Variants in PRR16 observed in about 807,000 individuals in gnomAD.
PRR16 encodes protein Largen.
In PRR16, 6 loss-of-function variants were observed where a neutral mutation model predicts 18.2. That is an observed-to-expected ratio of 0.33 (90% CI 0.18 to 0.65). The LOEUF is 0.65. Ranked by LOEUF, PRR16 falls within the 30% of genes least tolerant of loss-of-function variation. The pLI is 0.74. For missense variants in PRR16, 412 were observed against 376.6 expected (o/e 1.09, Z -0.78); for synonymous variants, 151 against 147.8 (o/e 1.02, Z -0.16).
the PRR16 span, among the ~76,000 whole-genome samples, chr5:120,719,156 A>T: frequency 1.3e-5 from 2 of 152,094 alleles, no homozygotes; most frequent in African/African-American, 4.8e-5. Flanking sequence ...TATCATTGTT[A>T]TATACTTTTC....
chr5:120,597,239 A>G (rs1753843723), intron 1 of PRR16, among the ~76,000 whole-genome samples: 1 of 151,514 alleles, frequency 6.6e-6, no homozygotes, highest in Admixed American at 6.6e-5. Flanking sequence ...CTTCCATTCT[A>G]TTGGTTGTTT....
rs185066203 is a variant in PRR16, at chr5:120,543,927, G to C, written c.159+79282G>C. ...AGTTTAGACTAAAAACCTCTAAGGA[G>C]TGTGTTGGCTTTACAGATGGATGAT... On this transcript the variant is annotated intron_variant, in intron 1 of 1. Transcript: ENST00000407149. Among the ~76,000 whole-genome samples, 11 of 152,290 alleles carry C rather than the reference G, an allele frequency of 7.2e-5. No individual in the cohort carries two copies. The East Asian group carries it at 2.1e-3, about 29-fold the overall frequency.
chr5:120,612,168 C>T (rs529583559), intron 1 of PRR16, among the ~76,000 whole-genome samples: 1 of 152,316 alleles, frequency 6.6e-6, no homozygotes, highest in East Asian at 1.9e-4. Context: ...TGTACCTCCA[C>T]TGTTTCTAGG....
chr5:120,550,203 T>A (rs1752210154), intron 1 of PRR16, among the ~76,000 whole-genome samples: 1 of 152,098 alleles, frequency 6.6e-6, no homozygotes, highest in African/African-American at 2.4e-5. Context: ...TCCTGCTTAA[T>A]AACCACTCTA....
chr5:120,584,583 C>T (rs1199379472), intron 1 of PRR16, among the ~76,000 whole-genome samples: 2 of 152,112 alleles, frequency 1.3e-5, no homozygotes, highest in African/African-American at 4.8e-5. Context: ...CAGGCATTTT[C>T]TAATTTGTTC....
the PRR16 span, among the ~76,000 whole-genome samples, chr5:120,705,882 A>T: frequency 6.6e-6 from 1 of 152,132 alleles, no homozygotes. Flanking sequence ...AAGAGACCCT[A>T]AAAAATATGA....
chr5:120,712,113 A>G, the PRR16 span, among the ~76,000 whole-genome samples: 1 of 152,152 alleles, frequency 6.6e-6, no homozygotes, highest in Admixed American at 6.6e-5. Context: ...AGTTTGAGGT[A>G]TACAACATGA....
chr5:120,770,928 T>TCTCTCTCTCC, the PRR16 span, among the ~76,000 whole-genome samples: 32 of 147,128 alleles, frequency 2.2e-4, no homozygotes, highest in Non-Finnish European at 2.5e-4. Flanking sequence ...ATTGGAACAC[T>TCTCTCTCTCC]CTCTCTCTCT....
chr5:120,756,224 T>C, the PRR16 span, among the ~76,000 whole-genome samples: 7 of 152,206 alleles, frequency 4.6e-5, no homozygotes, highest in African/African-American at 1.4e-4. Context: ...TTTCCATTTT[T>C]CATCTGCACA....
chr5:120,546,636 A>T (rs567138855), intron 1 of PRR16, among the ~76,000 whole-genome samples: 15 of 152,240 alleles, frequency 9.9e-5, no homozygotes, highest in Non-Finnish European at 1.6e-4. Context: ...GTAAAAGCAC[A>T]CAGTGTGAAG....
the PRR16 span, among the ~76,000 whole-genome samples, chr5:120,771,572 A>C: frequency 6.6e-6 from 1 of 152,102 alleles, no homozygotes; most frequent in African/African-American, 2.4e-5. Context: ...TATGACACTA[A>C]GGGTGAAACC....
the PRR16 span, among the ~76,000 whole-genome samples, chr5:120,785,977 T>TTA: frequency 3.4e-5 from 5 of 148,548 alleles, no homozygotes; most frequent in Non-Finnish European, 7.5e-5. Context: ...AGTCATTCTT[T>TTA]AAAAAAAAAA....
At chr5:120,646,048 T>TTATATATA (rs10606917) in intron 1 of PRR16, among the ~76,000 whole-genome samples, 4,570 of 104,592 alleles carry the variant, frequency 0.044, 172 homozygotes, top group East Asian at 0.073. Context: ...AATACATATT[T>TTATATATA]TATATATATA....
chr5:120,651,332 A>G (rs963266875), intron 1 of PRR16, among the ~76,000 whole-genome samples: 23 of 152,038 alleles, frequency 1.5e-4, no homozygotes, highest in Non-Finnish European at 2.9e-4. Context: ...CTTTAGTTTA[A>G]TTTGATCCCA....
intron 1 of PRR16, among the ~76,000 whole-genome samples, chr5:120,486,647 T>C (rs1438371504): frequency 2.0e-5 from 3 of 152,212 alleles, no homozygotes; most frequent in African/African-American, 7.2e-5. Context: ...GCTCTTTAGT[T>C]TAATTAGATC....
downstream of PRR16, among the ~76,000 whole-genome samples, chr5:120,690,496 A>C (rs993202606): frequency 6.6e-6 from 1 of 152,174 alleles, no homozygotes; most frequent in Non-Finnish European, 1.5e-5. Flanking sequence ...ATTGTAATGT[A>C]CTTTGATAAA....
At chr5:120,480,905 G>A (rs190451684) in intron 1 of PRR16, among the ~76,000 whole-genome samples, 2 of 152,062 alleles carry the variant, frequency 1.3e-5, no homozygotes, top group African/African-American at 2.4e-5. Context: ...GATTTCCTAT[G>A]CAATTATAAT....
intron 1 of PRR16, among the ~76,000 whole-genome samples, chr5:120,585,018 G>A (rs1317633892): frequency 6.6e-6 from 1 of 152,080 alleles, no homozygotes; most frequent in African/African-American, 2.4e-5. Context: ...GTTGTTTTCA[G>A]TCTCTCGAAA....
chr5:120,619,518 T>C (rs1278674111), intron 1 of PRR16, among the ~76,000 whole-genome samples: 1 of 152,100 alleles, frequency 6.6e-6, no homozygotes, highest in African/African-American at 2.4e-5. Flanking sequence ...TTCTGGAGAA[T>C]TGAAAACATC....
Sources: allele counts gnomAD v4.1 joint callset (sites outside exome capture counted in the v4.1 genomes callset), GRCh38; gene constraint gnomAD v4.1.1; transcripts MANE v1.5; gene names NCBI Gene and HGNC (gene_info 2026-07-23, HGNC 2026-07-21).